The following NAV3 variants were observed in gnomAD, a reference collection of about 807,000 sequenced individuals.
NAV3 encodes neuron navigator 3.
In NAV3, 87 loss-of-function variants were observed where a neutral mutation model predicts 244.7. The ratio of observed to expected loss-of-function variants is 0.36; its 90% confidence interval spans 0.30 to 0.42. The LOEUF (loss-of-function observed/expected upper bound fraction) is 0.42. Among genes scored for constraint, NAV3 ranks in the 20% least tolerant of loss-of-function variants. NAV3 has a pLI of 1.00. For missense variants in NAV3, 2,663 were observed against 2,893.3 expected, an observed-to-expected ratio of 0.92 and a Z score of 1.83; for synonymous variants, 1,126 against 1,042.2, an observed-to-expected ratio of 1.08 and a Z score of -1.55.
chr12:77,577,560 T>G (rs1057300141), intron 2 of NAV3, among the ~76,000 whole-genome samples: 1 of 152,122 alleles, frequency 6.6e-6, no homozygotes, highest in East Asian at 1.9e-4. Context: ...ATTGGTGGAT[T>G]TAAGACGTCA....
At chr12:77,956,148 T>C (rs1189988964) in intron 3 of NAV3, among the ~76,000 whole-genome samples, 2 of 152,192 alleles carry the variant, frequency 1.3e-5, no homozygotes, top group African/African-American at 4.8e-5. Flanking sequence ...GTTAAAATCT[T>C]AGGATAAATT....
At chr12:77,828,702 CA>C (rs1289389465), upstream of NAV3, among the ~76,000 whole-genome samples, 3 of 151,972 alleles carry the variant, frequency 2.0e-5, no homozygotes, top group African/African-American at 4.8e-5. Flanking sequence ...GATATTACTG[CA>C]AAAAATTAGT....
chr12:77,676,097 A>C (rs1033948294), intron 2 of NAV3, among the ~76,000 whole-genome samples: 2 of 150,984 alleles, frequency 1.3e-5, no homozygotes, highest in African/African-American at 4.9e-5. Context: ...ATTTTTTTTT[A>C]TTTTAAGTTC....
intron 12 of NAV3, among the ~76,000 whole-genome samples, chr12:78,097,590 T>C (rs1173343932): frequency 1.3e-5 from 2 of 152,228 alleles, no homozygotes; most frequent in Non-Finnish European, 2.9e-5. Flanking sequence ...CTGGAATGTT[T>C]TTATTATAAT....
chr12:78,103,381 A>G (rs1438198028), intron 12 of NAV3, among the ~76,000 whole-genome samples: 1 of 151,930 alleles, frequency 6.6e-6, no homozygotes, highest in Non-Finnish European at 1.5e-5. Context: ...TGTTTATATC[A>G]CTATAAAAAT....
chr12:78,206,076 C>G (rs879689957), intron 39 of NAV3, among the ~76,000 whole-genome samples: 2 of 152,050 alleles, frequency 1.3e-5, no homozygotes, highest in African/African-American at 2.4e-5. Flanking sequence ...TGTGGAAAAC[C>G]TGATAAACTT....
At chr12:77,901,085 T>A (rs1169666496) in intron 1 of NAV3, among the ~76,000 whole-genome samples, 1 of 151,654 alleles carries the variant, frequency 6.6e-6, no homozygotes, top group African/African-American at 2.4e-5. Context: ...TTATTTGTTG[T>A]TTGCTTTGAT....
chr12:77,812,433 GAC>G (rs1872330986), intron 2 of NAV3, among the ~76,000 whole-genome samples: 1 of 150,644 alleles, frequency 6.6e-6, no homozygotes, highest in Non-Finnish European at 1.5e-5. Context: ...ATTTTTTTGA[GAC>G]AGTCTCACTC....
At chr12:77,956,984 C>G (rs753851633) in intron 3 of NAV3, among the ~76,000 whole-genome samples, 23 of 152,134 alleles carry the variant, frequency 1.5e-4, no homozygotes, top group Non-Finnish European at 2.8e-4. Flanking sequence ...CTCAGGTGAT[C>G]TGCCCACCTC....
At chr12:77,604,013 A>G (rs1870559893) in intron 2 of NAV3, among the ~76,000 whole-genome samples, 1 of 152,094 alleles carries the variant, frequency 6.6e-6, no homozygotes, top group South Asian at 2.1e-4. Flanking sequence ...TTGATATTCT[A>G]TTTTTATTTC....
chr12:77,896,142 G>A (rs971449807), intron 1 of NAV3, among the ~76,000 whole-genome samples: 4 of 151,912 alleles, frequency 2.6e-5, no homozygotes, highest in African/African-American at 4.8e-5. Context: ...GAGACAGATC[G>A]CTACTACCTT....
intron 1 of NAV3, among the ~76,000 whole-genome samples, chr12:77,920,508 C>T (rs1887607414): frequency 6.6e-6 from 1 of 151,684 alleles, no homozygotes; most frequent in Non-Finnish European, 1.5e-5. Context: ...TTTTATAGTA[C>T]CAAAAAAACC....
At chr12:77,576,434 G>C (rs188426611) in intron 2 of NAV3, among the ~76,000 whole-genome samples, 62 of 152,120 alleles carry the variant, frequency 4.1e-4, no homozygotes, top group Non-Finnish European at 6.0e-4. Context: ...TCTGGGCTTG[G>C]TGTCTGCATG....
chr12:77,788,985 C>G (rs1871037678), intron 2 of NAV3, among the ~76,000 whole-genome samples: 1 of 152,174 alleles, frequency 6.6e-6, no homozygotes, highest in African/African-American at 2.4e-5. Flanking sequence ...CTCTTATCTC[C>G]TACCCTACTC....
intron 2 of NAV3, among the ~76,000 whole-genome samples, chr12:77,654,212 G>T (rs577674459): frequency 2.2e-4 from 33 of 152,354 alleles, no homozygotes; most frequent in Admixed American, 7.8e-4. Context: ...AAAGAAAGGG[G>T]TGACAGACGG....
intron 13 of NAV3, among the ~76,000 whole-genome samples, chr12:78,117,158 C>CTTAT (rs1555292748): frequency 0.14 from 10,063 of 70,218 alleles, 2,199 homozygotes; most frequent in East Asian, 0.21. Context: ...ACAGAAGCAG[C>CTTAT]ATATATATAT....
At chr12:78,202,038 T>C (rs1315675208) in intron 38 of NAV3, among the ~76,000 whole-genome samples, 2 of 151,978 alleles carry the variant, frequency 1.3e-5, no homozygotes, top group Non-Finnish European at 2.9e-5. Context: ...TGATTGGTTC[T>C]ACTCTAGATT....
chr12:77,909,183 G>T (rs529018794), intron 1 of NAV3, among the ~76,000 whole-genome samples: 1 of 152,162 alleles, frequency 6.6e-6, no homozygotes, highest in South Asian at 2.1e-4. Context: ...TTGGGTATAG[G>T]ATTTTATAAT....
chr12:77,638,878 C>T (rs1388948679), intron 2 of NAV3, among the ~76,000 whole-genome samples: 2 of 152,086 alleles, frequency 1.3e-5, no homozygotes, highest in East Asian at 3.9e-4. Context: ...TTCTAATGCA[C>T]TTAGGAGACA....
Sources: gnomAD v4.1 joint callset for allele counts (sites outside exome capture counted in the v4.1 genomes callset) on GRCh38, gnomAD v4.1.1 for gene constraint, MANE v1.5 for transcripts, NCBI Gene and HGNC (gene_info 2026-07-23, HGNC 2026-07-21) for gene names.